Variants in RFC1 observed in about 807,000 individuals in gnomAD.
RFC1 encodes the protein A1 140 kDa subunit.
Under a neutral mutation model 137.4 loss-of-function variants are expected in RFC1, and 37 were observed. That is an observed-to-expected ratio of 0.27 (90% CI 0.21 to 0.35). The LOEUF is 0.35. Ranked by LOEUF, RFC1 falls within the 10% of genes least tolerant of loss-of-function variation. The probability of loss-of-function intolerance (pLI) is 1.00; values close to 1 mark genes in which losing one functional copy is unlikely to be tolerated. For missense variants in RFC1, 1,205 were observed against 1,358.5 expected, an observed-to-expected ratio of 0.89 and a Z score of 1.78; for synonymous variants, 429 against 455.7, an observed-to-expected ratio of 0.94 and a Z score of 0.75.
At chr4:39,333,636 T>C (rs775669753) in intron 4 of RFC1, among the ~76,000 whole-genome samples, 8 of 152,112 alleles carry the variant, frequency 5.3e-5, no homozygotes, top group Non-Finnish European at 1.0e-4. Flanking sequence ...TCTGTTCTTT[T>C]ATGTGCACCC....
At position 39,333,194 on chromosome 4, in the gene RFC1, T is replaced by G. The variant is rs544868621; in HGVS notation, c.332-5438A>C. Among the ~76,000 whole-genome samples the G allele has an allele frequency of 1.1e-4, 16 of 152,338 alleles. No homozygotes were observed. The South Asian group carries it at 3.3e-3, about 32-fold the overall frequency. ...CTCTTAAGATTTTCCCCTTTACAAT[T>G]TTATGACCCTATGGGTAGCCATATA... On this transcript the variant is annotated intron_variant, in intron 4 of 24. Coordinates refer to ENST00000349703, the MANE Select transcript of RFC1 (RefSeq NM_002913.5).
At chr4:39,332,558 A>G (rs1740153472) in intron 4 of RFC1, among the ~76,000 whole-genome samples, 1 of 152,204 alleles carries the variant, frequency 6.6e-6, no homozygotes, top group Non-Finnish European at 1.5e-5. Context: ...TTCAAAATCG[A>G]GCAATGTTAA....
At position 39,345,464 on chromosome 4, in the gene RFC1, G is replaced by A. The variant is rs1025507219; in HGVS notation, c.145C>T (p.Arg49Cys). 7 of 1,612,300 alleles carry A rather than the reference G, an allele frequency of 4.3e-6. No individual in the cohort carries two copies. The highest frequency in any genetic ancestry group is 5.9e-6 in the Non-Finnish European group (7 of 1,178,914). Residue 49 changes from arginine to cysteine, a missense_variant, in exon 3 of 25, where the codon CGT (arginine) becomes TGT (cysteine). Around this residue, in one of 3 missense-constraint regions of RFC1, gnomAD observed 962 missense variants for 1,035.3 expected, o/e 0.93. Coordinates refer to ENST00000349703, the MANE Select transcript of RFC1 (RefSeq NM_002913.5). ...GIKEIKVNSS[R>C]KEDDFKQKQP... ...TTTTGTTTGAAGTCATCCTCTTTAC[G>A]GGAGCTATTTACCTATAAACATCAC...
intron 9 of RFC1, among the ~76,000 whole-genome samples, chr4:39,319,923 C>T (rs947761827): frequency 6.6e-6 from 1 of 152,104 alleles, no homozygotes; most frequent in African/African-American, 2.4e-5. Context: ...CAGAAGAGTA[C>T]CCAATTTAAA....
At position 39,333,567 on chromosome 4, in the gene RFC1, G is replaced by GA. The variant is rs934718267; in HGVS notation, c.332-5812dup. On this transcript the variant is annotated intron_variant, in intron 4 of 24. Transcript: ENST00000349703. ...AAAATTAAGCCCAAATTTCGAGGCT[G>GA]AAAAAAAAAAACCTCATGAAAATAG... Among the ~76,000 whole-genome samples, 506 of 141,552 alleles carry GA rather than the reference G, an allele frequency of 3.6e-3. 1 individual carries two copies. The highest frequency in any genetic ancestry group is 4.2e-3 in the South Asian group (19 of 4,508). The allele number at this position is 141,552 out of a possible 152,430, so 92.9% of individuals were successfully genotyped here. A position where few individuals can be genotyped will look rare whatever the true frequency, so the allele number is the denominator to read the frequency against.
intron 21 of RFC1, among the ~76,000 whole-genome samples, chr4:39,299,801 G>A (rs1738248628): frequency 6.6e-6 from 1 of 152,038 alleles, no homozygotes; most frequent in South Asian, 2.1e-4. Flanking sequence ...TGTAGTCCCA[G>A]CTACTCAGGA....
chr4:39,322,431 C>T (rs976314326), intron 7 of RFC1: 1 of 152,032 alleles, frequency 6.6e-6, no homozygotes, highest in South Asian at 2.1e-4. Context: ...AAAGATTCCT[C>T]AAAATATACT....
At position 39,345,689 on chromosome 4, in the gene RFC1, T is replaced by G. The variant is rs958688000; in HGVS notation, c.133-213A>C. On this transcript the variant is annotated intron_variant, in intron 2 of 24. Transcript: ENST00000349703. ...AAACCCGCCACAATGCCTGGCTAAT[T>G]TTTTGTATTTTTAGTAGAGACGGGG... Among the ~76,000 whole-genome samples, 4 of 152,168 alleles carry G rather than the reference T, an allele frequency of 2.6e-5. No individual in the cohort carries two copies. In the South Asian group the frequency reaches 6.2e-4, roughly 24 times the overall value.
chr4:39,305,690 C>T (rs1738605367), intron 14 of RFC1, among the ~76,000 whole-genome samples: 1 of 152,174 alleles, frequency 6.6e-6, no homozygotes, highest in South Asian at 2.1e-4. Context: ...TGTCACGACA[C>T]TATCCCAATA....
chr4:39,303,368 T>A (rs903683739), intron 15 of RFC1, among the ~76,000 whole-genome samples: 1 of 151,616 alleles, frequency 6.6e-6, no homozygotes, highest in Non-Finnish European at 1.5e-5. Flanking sequence ...CAGACCCCAA[T>A]TCCCTTCCCA....
intron 2 of RFC1, among the ~76,000 whole-genome samples, chr4:39,348,404 C>T (rs191673338): frequency 1.1e-5 from 1 of 87,654 alleles, no homozygotes; most frequent in Non-Finnish European, 2.4e-5. Context: ...GTCTGGGCAA[C>T]AGAGCAAGAC....
chr4:39,366,197 C>A lies in RFC1; in HGVS notation c.3+42G>T, dbSNP rs145674081. 1,607 of 1,549,210 alleles carry A rather than the reference C, an allele frequency of 1.0e-3. 1 individual carries two copies. The highest frequency in any genetic ancestry group is 1.3e-3 in the Non-Finnish European group (1,545 of 1,145,956). On this transcript the variant is annotated intron_variant, in intron 1 of 24. Transcript: ENST00000349703. ...CCGGTCCACACCAGGCCTGCAAAGC[C>A]CCCCCAGACCCCGAGCCGCACGGCC...
At chr4:39,348,283 C>A (rs552722965) in intron 2 of RFC1, among the ~76,000 whole-genome samples, 2 of 150,548 alleles carry the variant, frequency 1.3e-5, no homozygotes, top group African/African-American at 2.4e-5. Context: ...ATTAGCTGGA[C>A]ATGGTGGCAC....
chr4:39,291,919 A>G (rs1199521062), intron 22 of RFC1, 67 bp from the exon 23 acceptor site: 1 of 1,119,024 alleles, frequency 8.9e-7, no homozygotes, highest in Non-Finnish European at 1.4e-6. Flanking sequence ...TGTGCATAAC[A>G]GCACTGAGTT....
intron 1 of RFC1, among the ~76,000 whole-genome samples, chr4:39,358,679 T>C (rs1055480674): frequency 4.6e-5 from 7 of 152,344 alleles, no homozygotes; most frequent in Middle Eastern, 3.4e-3. Context: ...CCACTAATCA[T>C]GCCAATTGTT....
At chr4:39,309,887 T>C (rs1338760516) in intron 12 of RFC1, among the ~76,000 whole-genome samples, 2 of 152,184 alleles carry the variant, frequency 1.3e-5, no homozygotes, top group African/African-American at 4.8e-5. Context: ...TGGATGAATG[T>C]TTAAGGACAA....
chr4:39,320,720 A>G (rs1385786235), intron 8 of RFC1, 51 bp from the exon 9 acceptor site: 20 of 1,489,506 alleles, frequency 1.3e-5, no homozygotes, highest in Admixed American at 2.5e-5. Flanking sequence ...ATGATAATCT[A>G]TATCAACTTT....
chr4:39,342,125 C>T (rs1052241551), intron 4 of RFC1, among the ~76,000 whole-genome samples: 2 of 152,284 alleles, frequency 1.3e-5, no homozygotes, highest in East Asian at 3.9e-4. Flanking sequence ...TGATTCAATA[C>T]AAGCACTTAA....
intron 19 of RFC1, among the ~76,000 whole-genome samples, chr4:39,301,318 G>A (rs17335326): frequency 0.013 from 2,023 of 152,272 alleles, 27 homozygotes; most frequent in Middle Eastern, 0.048. Flanking sequence ...GAGCACAGAG[G>A]ATGTTCAGGA....
Sources: gnomAD v4.1 joint callset for allele counts (sites outside exome capture counted in the v4.1 genomes callset) on GRCh38, gnomAD v4.1.1 for gene constraint, gnomAD v4.1.1 regional missense constraint, MANE v1.5 for transcripts, NCBI Gene and HGNC (gene_info 2026-07-23, HGNC 2026-07-21) for gene names.